Variants in CHRNB4 observed in about 807,000 individuals in gnomAD.
The protein encoded by CHRNB4 is neuronal acetylcholine receptor subunit beta-4.
In CHRNB4, 23 loss-of-function variants were observed where a neutral mutation model predicts 40.4. The observed-to-expected ratio is 0.57, with a 90% CI of 0.41 to 0.81. The LOEUF (loss-of-function observed/expected upper bound fraction) is 0.81. Among genes scored for constraint, CHRNB4 ranks in the 30% least tolerant of loss-of-function variants. The pLI, the probability that CHRNB4 is intolerant of heterozygous loss-of-function variation, is 0.00. For synonymous variants in CHRNB4, 285 were observed against 274.4 expected, an observed-to-expected ratio of 1.04 and a Z score of -0.38; for missense variants, 568 against 670.6, an observed-to-expected ratio of 0.85 and a Z score of 1.69.
intron 4 of CHRNB4, among the ~76,000 whole-genome samples, chr15:78,630,287 C>G (rs965785990): frequency 6.6e-6 from 1 of 151,904 alleles, no homozygotes; most frequent in Admixed American, 6.6e-5. Flanking sequence ...TACAGGCATG[C>G]GCCACCACGC....
intron 2 of CHRNB4, among the ~76,000 whole-genome samples, 153 bp downstream of exon 2, chr15:78,635,286 A>G (rs2053924296): frequency 6.6e-6 from 1 of 152,198 alleles, no homozygotes; most frequent in Non-Finnish European, 1.5e-5. Context: ...GACACCTATG[A>G]ACTTCATGGA....
upstream of CHRNB4, among the ~76,000 whole-genome samples, chr15:78,645,483 A>C (rs1326828273): frequency 1.3e-5 from 2 of 152,092 alleles, no homozygotes; most frequent in Non-Finnish European, 2.9e-5. Context: ...TCTTGAGTGC[A>C]TTTTAAAACA....
chr15:78,630,539 G>A (rs566428693), intron 4 of CHRNB4, among the ~76,000 whole-genome samples: 1 of 152,298 alleles, frequency 6.6e-6, no homozygotes, highest in South Asian at 2.1e-4. Flanking sequence ...AGATGGGAAA[G>A]CCAAAGCCCA....
At chr15:78,638,628 CG>C (rs67816453) in intron 1 of CHRNB4, among the ~76,000 whole-genome samples, 1 of 150,264 alleles carries the variant, frequency 6.7e-6, no homozygotes, top group African/African-American at 2.5e-5. Flanking sequence ...GCCGGGGGGC[CG>C]GGGGGGTGGT....
intron 4 of CHRNB4, 72 bp from the exon 5 acceptor site, chr15:78,630,017 T>G: frequency 6.9e-7 from 1 of 1,459,430 alleles, no homozygotes; most frequent in East Asian, 2.3e-5. Flanking sequence ...CAGAACTCAC[T>G]GAAGAGCCCT....
In CHRNB4 at chr15:78,629,726, A is replaced by T; in HGVS notation, c.579T>A (p.Asp193Glu). 1 of 1,614,076 alleles carries T rather than the reference A, an allele frequency of 6.2e-7. No individual in the cohort carries two copies. The highest frequency in any genetic ancestry group is 1.1e-5 in the South Asian group (1 of 91,084). The part of the protein sequence containing the change: ...MVLMTPTASM[D>E]DFTPSGEWDI... The stretch of plus-strand genomic sequence containing the variant: ...CCCACTCACCACTGGGAGTAAAGTC[A>T]TCCATGCTGGCTGTGGGCGTCATGA... Residue 193 changes from aspartate (D) to glutamate (E), a missense_variant, in exon 5 of 6, where the codon GAT (aspartate) becomes GAA (glutamate). Coordinates refer to ENST00000261751, the MANE Select transcript of CHRNB4 (RefSeq NM_000750.5). The surrounding 1 kb of genome is among the most constrained non-coding windows in gnomAD (Gnocchi z 6.8).
rs1318378434 is a variant in CHRNB4, at chr15:78,634,525, T to C, written c.204+914A>G. 9 of 322,798 alleles carry C rather than the reference T, an allele frequency of 2.8e-5. No individual in the cohort carries two copies. The East Asian group carries it at 6.3e-4, about 23-fold the overall frequency. The allele number at this position is 322,798 out of a possible 1,614,324, so 20.0% of individuals were successfully genotyped here. A position where few individuals can be genotyped will look rare whatever the true frequency, so the allele number is the denominator to read the frequency against. On this transcript the variant is annotated intron_variant, in intron 2 of 5. Coordinates refer to ENST00000261751, the MANE Select transcript of CHRNB4 (RefSeq NM_000750.5). Reference sequence around the variant, plus strand: ...CAGGAGATGGAGCCAGTCATTAATTTGGCCAAAGCCTTCCTGAGGGCTGTA... The same window carrying C: ...CAGGAGATGGAGCCAGTCATTAATTCGGCCAAAGCCTTCCTGAGGGCTGTA...
intron 6 of CHRNB4, among the ~76,000 whole-genome samples, chr15:78,650,222 C>T (rs937906528): frequency 1.3e-5 from 2 of 152,198 alleles, no homozygotes; most frequent in Non-Finnish European, 2.9e-5. Context: ...GTTGCTTTGG[C>T]AGTGGGTGAG....
upstream of CHRNB4, among the ~76,000 whole-genome samples, chr15:78,644,598 G>C (rs2054108355): frequency 6.6e-6 from 1 of 152,072 alleles, no homozygotes. Context: ...CCAGTCTCTG[G>C]TATTTTGTTA....
chr15:78,660,994 TTCTC>T, upstream of CHRNB4: 1 of 481,030 alleles, frequency 2.1e-6, no homozygotes, highest in East Asian at 4.7e-5. Context: ...TTTCCTCTCT[TTCTC>T]TCTTCTTCCA....
chr15:78,627,735 TCAC>T lies in CHRNB4; in HGVS notation c.1338+1229_1338+1231del, dbSNP rs1040921285. The stretch of plus-strand genomic sequence containing the variant: ...GTATGGAAATGGGTGTGAAAATTTG[TCAC>T]CACCACATTCTGTGTTGTTACTATG... On this transcript the variant is annotated intron_variant, in intron 5 of 5. Coordinates refer to ENST00000261751, the MANE Select transcript of CHRNB4 (RefSeq NM_000750.5). The T allele has an allele frequency of 5.0e-4, 76 of 152,256 alleles. 1 individual carries two copies. Among genetic ancestry groups the T allele is most frequent in the African/African-American group, 1.8e-3 (75 of 41,456 alleles). The allele number at this position is 152,256 out of a possible 1,614,324, so 9.4% of individuals were successfully genotyped here.
Position 78,631,073 on chromosome 15 carries a change from C to T in CHRNB4, c.359+3G>A, listed in dbSNP as rs201464909. ...CCAGGCCTCCACCAACCCTGCCACTCACTTGTTGTAAAGCACGATGTCAGG... is the reference window on the plus strand; with the variant it reads ...CCAGGCCTCCACCAACCCTGCCACTTACTTGTTGTAAAGCACGATGTCAGG... On this transcript the variant is annotated splice_donor_region_variant and intron_variant, in intron 4 of 5. Transcript: ENST00000261751. 2 of 1,613,136 alleles carry T rather than the reference C, an allele frequency of 1.2e-6. No individual in the cohort carries two copies. The highest frequency in any genetic ancestry group is 3.3e-4 in the Middle Eastern group (2 of 6,062).
At chr15:78,634,827 C>A in intron 2 of CHRNB4, 1 of 454,838 alleles carries the variant, frequency 2.2e-6, no homozygotes, top group Non-Finnish European at 4.4e-6. Flanking sequence ...AAGAGAAATT[C>A]CCAGGCACCT....
At position 78,629,374 on chromosome 15, in the gene CHRNB4, C is replaced by T. The variant is rs143402850; in HGVS notation, c.931G>A (p.Val311Ile). ...ACATTGAGCACACAGACGCTGGTGA[C>T]GATGGAGAAGGTGACCAGCACCATG... ...FTMVLVTFSI[V>I]TSVCVLNVHH... is the part of the protein sequence containing the mutation. Residue 311 changes from valine to isoleucine, a missense_variant, in exon 5 of 6, where the codon GTC (valine) becomes ATC (isoleucine). Val to Ile is a conservative substitution (Grantham distance 29, BLOSUM62 3). Around this residue, in one of 4 missense-constraint regions of CHRNB4, gnomAD observed 242 missense variants for 274.9 expected, o/e 0.88. Transcript: ENST00000261751. The surrounding 1 kb of genome is among the most constrained non-coding windows in gnomAD (Gnocchi z 6.8). The T allele has an allele frequency of 5.4e-4, 877 of 1,613,900 alleles. No homozygotes were observed. The highest frequency in any genetic ancestry group is 7.0e-4 in the Non-Finnish European group (822 of 1,180,030).
chr15:78,658,463 T>C (rs918985940), intron 1 of CHRNB4: 1 of 152,220 alleles, frequency 6.6e-6, no homozygotes, highest in Non-Finnish European at 1.5e-5. Context: ...AGATAAGAAA[T>C]CTGGGGCTCA....
chr15:78,642,630 C>T (rs1431731189), upstream of CHRNB4, among the ~76,000 whole-genome samples: 4 of 152,052 alleles, frequency 2.6e-5, no homozygotes, highest in East Asian at 1.9e-4. Flanking sequence ...AGGACAGGAG[C>T]TTGGAAAGGA....
rs112952649 is a variant in CHRNB4 at position 78,651,038 on chromosome 15, C to T, written c.-16+1540G>A. 2.1e-3 allele frequency among the ~76,000 whole-genome samples: 316 copies of T among 152,212 alleles called. 1 individual carries two copies. Among genetic ancestry groups the T allele is most frequent in the South Asian group, 1.0e-2 (48 of 4,818 alleles). On this transcript the variant is annotated intron_variant and NMD_transcript_variant, in intron 6 of 11. Transcript: ENST00000559849. ...ACATCAAAATGGACCTTTTCTCGGG[C>T]ATTGGCACAGGTCCAGTTGAAGGGT... is the stretch of plus-strand genomic sequence containing the variant.
chr15:78,625,202 C>T lies in CHRNB4; in HGVS notation c.1428G>A (p.Gly476=), dbSNP rs777921584. The change falls in exon 6 of 6, where the codon GGG becomes GGA. Residue 476 remains glycine (G), a synonymous_variant. Coordinates refer to ENST00000261751, the MANE Select transcript of CHRNB4 (RefSeq NM_000750.5). ...TCTGGAAGAGGGGCGGTAGGAAGAG[C>T]CCCACAGTGCCCAGGACGCACACAA... ...FMFVCVLGTV[G]LFLPPLFQTH... The T allele has an allele frequency of 1.2e-6, 2 of 1,607,702 alleles. No individual in the cohort carries two copies. The highest frequency in any genetic ancestry group is 2.2e-5 in the East Asian group (1 of 44,804).
chr15:78,657,179 C>T (rs117937783), intron 3 of CHRNB4, among the ~76,000 whole-genome samples: 4 of 152,214 alleles, frequency 2.6e-5, no homozygotes, highest in South Asian at 4.1e-4. Context: ...CACATGCCCC[C>T]ACGACTGGCT....
Sources: allele counts gnomAD v4.1 joint callset (sites outside exome capture counted in the v4.1 genomes callset), GRCh38; gene constraint gnomAD v4.1.1; regional missense constraint gnomAD v4.1.1; non-coding constraint Gnocchi (gnomAD v3.1); transcripts MANE v1.5; gene names NCBI Gene and HGNC (gene_info 2026-07-23, HGNC 2026-07-21).